The following COL10A1 variants were observed in gnomAD, a reference collection of about 807,000 sequenced individuals.
COL10A1 encodes collagen alpha-1(X) chain.
Under a neutral mutation model 18.2 loss-of-function variants are expected in COL10A1, and 10 were observed. The ratio of observed to expected loss-of-function variants is 0.55; its 90% confidence interval spans 0.34 to 0.93. COL10A1 has a LOEUF of 0.93. Ranked by LOEUF, COL10A1 falls within the 40% of genes least tolerant of loss-of-function variation. The pLI is 0.02. For synonymous variants in COL10A1, 330 were observed against 316.6 expected (o/e 1.04, Z -0.45); for missense variants, 897 against 853.5 (o/e 1.05, Z -0.64).
At chr6:116,186,673 C>G in the COL10A1 span, among the ~76,000 whole-genome samples, 15 of 151,968 alleles carry the variant, frequency 9.9e-5, no homozygotes, top group African/African-American at 4.8e-5. Flanking sequence ...TCTGTTGCTG[C>G]GAGTTTCCAG....
intron 2 of COL10A1, among the ~76,000 whole-genome samples, chr6:116,122,788 G>A (rs1023337374): frequency 8.6e-5 from 13 of 152,036 alleles, no homozygotes; most frequent in South Asian, 4.1e-4. Flanking sequence ...TAGATATGCC[G>A]AAATAGGAAA....
In COL10A1 at chr6:116,133,063, C is replaced by G. The variant is rs564710577; in HGVS notation, c.-15-7556G>C. ...GTCAAGAAAAACTGAGAGTCATTTACAAAGTTTTAACAAGGGCTTTATATT... is the reference window on the plus strand; with the variant it reads ...GTCAAGAAAAACTGAGAGTCATTTAGAAAGTTTTAACAAGGGCTTTATATT... On this transcript the variant is annotated intron_variant, in intron 1 of 1. Coordinates refer to the COL10A1 transcript ENST00000418500. 5.3e-5 allele frequency among the ~76,000 whole-genome samples: 8 copies of G among 152,254 alleles called. No homozygotes were observed. In the South Asian group the frequency reaches 1.4e-3, roughly 28 times the overall value.
the COL10A1 span, among the ~76,000 whole-genome samples, chr6:116,196,805 A>G: frequency 5.3e-5 from 8 of 151,696 alleles, no homozygotes; most frequent in African/African-American, 1.5e-4. Context: ...AGCCTTGTGT[A>G]TGCTGTTTTT....
chr6:116,208,043 TAAATA>T, the COL10A1 span, among the ~76,000 whole-genome samples: 1 of 151,964 alleles, frequency 6.6e-6, no homozygotes, highest in East Asian at 1.9e-4. Flanking sequence ...TTTCGTTTGT[TAAATA>T]ATTGAGCACT....
chr6:116,191,468 T>C, the COL10A1 span, among the ~76,000 whole-genome samples: 1 of 152,072 alleles, frequency 6.6e-6, no homozygotes, highest in African/African-American at 2.4e-5. Context: ...GGTTTCTACT[T>C]AGTAAGTGCT....
chr6:116,125,273 GATT>G (rs1185387408), intron 2 of COL10A1, 63 bp downstream of exon 2: 1 of 1,555,272 alleles, frequency 6.4e-7, no homozygotes, highest in Non-Finnish European at 8.8e-7. Flanking sequence ...TTGTTAAAGA[GATT>G]ATTAAGATTA....
At chr6:116,171,538 A>G in the COL10A1 span, among the ~76,000 whole-genome samples, 6 of 152,364 alleles carry the variant, frequency 3.9e-5, no homozygotes, top group East Asian at 3.9e-4. Flanking sequence ...CATATGTCAT[A>G]TAACTTGAGA....
At chr6:116,151,308 A>G (rs537250680) in intron 1 of COL10A1, among the ~76,000 whole-genome samples, 1 of 152,338 alleles carries the variant, frequency 6.6e-6, no homozygotes, top group East Asian at 1.9e-4. Context: ...ACATTCATAC[A>G]TGCAAGTGCA....
At chr6:116,174,431 C>T in the COL10A1 span, among the ~76,000 whole-genome samples, 3 of 152,116 alleles carry the variant, frequency 2.0e-5, no homozygotes, top group Admixed American at 6.6e-5. Context: ...AAGGAAAAGA[C>T]GATATGCATG....
At chr6:116,167,835 C>T in the COL10A1 span, among the ~76,000 whole-genome samples, 6 of 152,162 alleles carry the variant, frequency 3.9e-5, no homozygotes, top group African/African-American at 1.2e-4. Flanking sequence ...TAGAGCTAAA[C>T]AATCATATCT....
chr6:116,129,237 T>G (rs1311435096), upstream of COL10A1, among the ~76,000 whole-genome samples: 1 of 152,214 alleles, frequency 6.6e-6, no homozygotes, highest in Non-Finnish European at 1.5e-5. Context: ...AACATATGTA[T>G]ACACATGTCT....
At chr6:116,216,308 A>G in the COL10A1 span, among the ~76,000 whole-genome samples, 3 of 151,966 alleles carry the variant, frequency 2.0e-5, no homozygotes, top group Admixed American at 2.0e-4. Context: ...AATAGTAAGA[A>G]TTCTGGTTTT....
At chr6:116,173,907 C>T in the COL10A1 span, among the ~76,000 whole-genome samples, 1 of 152,128 alleles carries the variant, frequency 6.6e-6, no homozygotes, top group Non-Finnish European at 1.5e-5. Flanking sequence ...CTTTTCCTGT[C>T]CCATAATCCC....
At chr6:116,179,653 CG>C in the COL10A1 span, among the ~76,000 whole-genome samples, 1 of 152,000 alleles carries the variant, frequency 6.6e-6, no homozygotes. Context: ...AAAAGAATAA[CG>C]GGTTTTGAAC....
the COL10A1 span, among the ~76,000 whole-genome samples, chr6:116,165,572 C>T: frequency 3.9e-5 from 6 of 152,104 alleles, no homozygotes; most frequent in Admixed American, 2.0e-4. Flanking sequence ...TGGGTTAATT[C>T]GAAAAATGCC....
chr6:116,172,408 A>T, the COL10A1 span, among the ~76,000 whole-genome samples: 2 of 138,424 alleles, frequency 1.4e-5, no homozygotes, highest in Admixed American at 1.6e-4. Context: ...TGCAACCTCT[A>T]CCTCCCGGGT....
upstream of COL10A1, among the ~76,000 whole-genome samples, chr6:116,163,141 A>AATATATATATATATATATATAT (rs1554197063): frequency 1.2e-4 from 11 of 88,384 alleles, no homozygotes; most frequent in African/African-American, 5.8e-4. Flanking sequence ...AAAAAAAAAA[A>AATATATATATATATATATATAT]ATATATATAT....
the COL10A1 span, among the ~76,000 whole-genome samples, chr6:116,197,287 A>G: frequency 6.6e-6 from 1 of 152,002 alleles, no homozygotes; most frequent in African/African-American, 2.4e-5. Context: ...TAGTTTGTAG[A>G]CACCATTCCC....
the COL10A1 span, among the ~76,000 whole-genome samples, chr6:116,178,140 A>G: frequency 6.9e-6 from 1 of 145,232 alleles, no homozygotes; most frequent in Non-Finnish European, 1.5e-5. Flanking sequence ...TGTGTTTACT[A>G]GTGGGACTGG....
Sources: gnomAD v4.1 joint callset for allele counts (sites outside exome capture counted in the v4.1 genomes callset) on GRCh38, gnomAD v4.1.1 for gene constraint, MANE v1.5 for transcripts, NCBI Gene and HGNC (gene_info 2026-07-23, HGNC 2026-07-21) for gene names.